The following DPYD variants were observed in gnomAD, a reference collection of about 807,000 sequenced individuals.
DPYD encodes the protein dihydropyrimidine dehydrogenase [NADP(+)].
Under a neutral mutation model 116.2 loss-of-function variants are expected in DPYD, and 109 were observed. That is an observed-to-expected ratio of 0.94 (90% CI 0.80 to 1.10). The LOEUF is 1.10. Among genes scored for constraint, DPYD ranks in the 50% least tolerant of loss-of-function variants. DPYD has a pLI of 0.00. For synonymous variants in DPYD, 440 were observed against 432.0 expected (o/e 1.02, Z -0.23); for missense variants, 1,302 against 1,254.5 (o/e 1.04, Z -0.57).
At chr1:97,787,187 T>C (rs1367520801) in intron 3 of DPYD, among the ~76,000 whole-genome samples, 1 of 152,198 alleles carries the variant, frequency 6.6e-6, no homozygotes, top group Non-Finnish European at 1.5e-5. Context: ...ATAAAGCCTC[T>C]CATCTTGTTT....
intron 13 of DPYD, among the ~76,000 whole-genome samples, chr1:97,481,736 A>C (rs2101882103): frequency 6.6e-6 from 1 of 152,356 alleles, no homozygotes; most frequent in Non-Finnish European, 1.5e-5. Context: ...AATTCAAGCT[A>C]TTCCTTAAAA....
chr1:97,080,607 C>A (rs186782950), intron 22 of DPYD, among the ~76,000 whole-genome samples: 2 of 152,126 alleles, frequency 1.3e-5, no homozygotes, highest in African/African-American at 4.8e-5. Context: ...TTTTGTAAAA[C>A]AACATTTTAA....
intron 16 of DPYD, among the ~76,000 whole-genome samples, chr1:97,334,594 G>A (rs530965307): frequency 1.4e-4 from 22 of 152,310 alleles, no homozygotes; most frequent in Admixed American, 4.6e-4. Context: ...AATAGAAGGT[G>A]GTATAGAGTA....
Position 97,078,987 on chromosome 1 carries a change from G to C in DPYD, c.3067C>G (p.Pro1023Ala), listed in dbSNP as rs114096998. ...PKRGVPLSVN[P>A]VC is the part of the protein sequence containing the mutation. ...TTTCACAAATCACCTTAACACACCGGATTCACAGATAAGGGTACGCCTCTC... is the reference window on the plus strand; with the variant it reads ...TTTCACAAATCACCTTAACACACCGCATTCACAGATAAGGGTACGCCTCTC... Residue 1023 changes from proline (P) to alanine (A), a missense_variant, in exon 23 of 23, where the codon CCG (proline) becomes GCG (alanine). Pro to Ala is a conservative substitution (Grantham distance 27). Transcript: ENST00000370192. 6.2e-7 allele frequency: 1 copy of C among 1,613,552 alleles called. No homozygotes were observed. Among genetic ancestry groups the C allele is most frequent in the Non-Finnish European group, 8.5e-7 (1 of 1,179,612 alleles).
chr1:97,498,620 TG>T (rs1208964807), intron 13 of DPYD, among the ~76,000 whole-genome samples: 1 of 151,744 alleles, frequency 6.6e-6, no homozygotes, highest in African/African-American at 2.4e-5. Context: ...TATATATTAA[TG>T]GAAGCCAGCT....
At chr1:97,174,628 AC>A (rs1657117817) in intron 20 of DPYD, among the ~76,000 whole-genome samples, 1 of 152,148 alleles carries the variant, frequency 6.6e-6, no homozygotes, top group South Asian at 2.1e-4. Flanking sequence ...CCCAAAGGCT[AC>A]CTGATTAAAA....
chr1:97,460,994 G>A (rs1351466025), intron 13 of DPYD, among the ~76,000 whole-genome samples: 3 of 149,204 alleles, frequency 2.0e-5, no homozygotes, highest in Admixed American at 1.3e-4. Context: ...CTAAGATCGC[G>A]CCATTGCACT....
intron 20 of DPYD, among the ~76,000 whole-genome samples, chr1:97,164,649 C>T (rs1479443144): frequency 6.6e-6 from 1 of 152,022 alleles, no homozygotes; most frequent in Non-Finnish European, 1.5e-5. Flanking sequence ...AAGCCAAGAG[C>T]CATATCAGGA....
intron 13 of DPYD, among the ~76,000 whole-genome samples, chr1:97,491,202 G>T (rs1678957144): frequency 6.8e-6 from 1 of 146,922 alleles, no homozygotes; most frequent in African/African-American, 2.5e-5. Context: ...AATATAATTA[G>T]TATATTATTA....
At chr1:97,279,567 G>C (rs1331322880) in intron 18 of DPYD, among the ~76,000 whole-genome samples, 11 of 152,192 alleles carry the variant, frequency 7.2e-5, no homozygotes, top group African/African-American at 2.4e-4. Flanking sequence ...CTGGAGTGCA[G>C]TGGTGCGATC....
chr1:97,606,805 C>T (rs890622353), intron 8 of DPYD, among the ~76,000 whole-genome samples: 1 of 151,846 alleles, frequency 6.6e-6, no homozygotes, highest in African/African-American at 2.4e-5. Flanking sequence ...GGGGATACTG[C>T]ATAAATCCAG....
chr1:97,164,625 C>A (rs1260581561), intron 20 of DPYD, among the ~76,000 whole-genome samples: 3 of 152,276 alleles, frequency 2.0e-5, no homozygotes, highest in Non-Finnish European at 4.4e-5. Flanking sequence ...CATTCCTACA[C>A]ACCAACAACA....
chr1:97,420,430 T>C (rs989574635), intron 14 of DPYD, among the ~76,000 whole-genome samples: 2 of 152,130 alleles, frequency 1.3e-5, no homozygotes, highest in African/African-American at 4.8e-5. Context: ...AACTCTTATT[T>C]TTTCCTTGGC....
chr1:97,911,385 G>A (rs1673927060), intron 1 of DPYD, among the ~76,000 whole-genome samples: 1 of 152,108 alleles, frequency 6.6e-6, no homozygotes, highest in Non-Finnish European at 1.5e-5. Flanking sequence ...AGAAAAGACA[G>A]AGCCTTAAGC....
At chr1:97,358,324 C>T (rs774420524) in intron 16 of DPYD, among the ~76,000 whole-genome samples, 15 of 152,108 alleles carry the variant, frequency 9.9e-5, no homozygotes, top group Non-Finnish European at 1.3e-4. Flanking sequence ...TGGAGCCCAC[C>T]GCAGCTCAGC....
intron 14 of DPYD, among the ~76,000 whole-genome samples, chr1:97,446,926 T>C (rs1186610560): frequency 6.6e-6 from 1 of 152,100 alleles, no homozygotes; most frequent in Non-Finnish European, 1.5e-5. Flanking sequence ...ATGATCAATG[T>C]GCCAAATTTA....
chr1:97,432,815 G>T (rs148132974), intron 14 of DPYD, among the ~76,000 whole-genome samples: 1 of 152,126 alleles, frequency 6.6e-6, no homozygotes, highest in Non-Finnish European at 1.5e-5. Flanking sequence ...GGGTTGTGCC[G>T]CTGCTTTAGT....
intron 12 of DPYD, among the ~76,000 whole-genome samples, chr1:97,532,715 C>T (rs1649717327): frequency 6.6e-6 from 1 of 151,692 alleles, no homozygotes; most frequent in South Asian, 2.1e-4. Flanking sequence ...GTTGTAATGT[C>T]TCCTGTTTCA....
chr1:97,639,601 T>C (rs1280359477), intron 8 of DPYD, among the ~76,000 whole-genome samples: 3 of 152,160 alleles, frequency 2.0e-5, no homozygotes, highest in Non-Finnish European at 4.4e-5. Flanking sequence ...ATTAAGGTGA[T>C]GTGCTATATC....
Sources: gnomAD v4.1 joint callset for allele counts (sites outside exome capture counted in the v4.1 genomes callset) on GRCh38, gnomAD v4.1.1 for gene constraint, MANE v1.5 for transcripts, NCBI Gene and HGNC (gene_info 2026-07-23, HGNC 2026-07-21) for gene names.